The following TRPC6 variants were observed in gnomAD, a reference collection of about 807,000 sequenced individuals.
TRPC6 encodes the protein short transient receptor potential channel 6.
Under a neutral mutation model 90.7 loss-of-function variants are expected in TRPC6, and 55 were observed. The ratio of observed to expected loss-of-function variants is 0.61; its 90% CI spans 0.49 to 0.76. TRPC6 has a LOEUF of 0.76. TRPC6 is among the 30% of genes least tolerant of loss of function. The probability of loss-of-function intolerance (pLI) is 0.00; values close to 1 mark genes in which losing one functional copy is unlikely to be tolerated. For synonymous variants in TRPC6, 393 were observed against 393.0 expected, an observed-to-expected ratio of 1.00 and a Z score of 0.00; for missense variants, 989 against 1,122.7, an observed-to-expected ratio of 0.88 and a Z score of 1.70.
chr11:101,458,815 GCTAA>G (rs1858941153), intron 10 of TRPC6, among the ~76,000 whole-genome samples: 1 of 152,170 alleles, frequency 6.6e-6, no homozygotes, highest in South Asian at 2.1e-4. Context: ...TGTTTGTGCA[GCTAA>G]CTAAATACTT....
At chr11:101,484,595 A>ATGTGTGTGTGTG (rs61160203) in intron 4 of TRPC6, among the ~76,000 whole-genome samples, 158 of 140,870 alleles carry the variant, frequency 1.1e-3, no homozygotes, top group African/African-American at 2.2e-3. Context: ...CTCTCATGCT[A>ATGTGTGTGTGTG]TGTGTGTGTG....
chr11:101,522,622 A>T (rs535990326), intron 1 of TRPC6, among the ~76,000 whole-genome samples: 28 of 152,064 alleles, frequency 1.8e-4, no homozygotes, highest in Admixed American at 3.3e-4. Context: ...TATCACTAAC[A>T]TCTGTACATT....
chr11:101,473,469 A>C, intron 7 of TRPC6, 40 bp downstream of exon 7: 1 of 1,607,320 alleles, frequency 6.2e-7, no homozygotes, highest in Non-Finnish European at 8.5e-7. Flanking sequence ...TATTTATTTA[A>C]TTTGCAATAA....
chr11:101,540,689 A>T (rs1164929833), intron 1 of TRPC6, among the ~76,000 whole-genome samples: 4 of 152,340 alleles, frequency 2.6e-5, no homozygotes, highest in African/African-American at 9.6e-5. Flanking sequence ...GAGTCCAGTT[A>T]ATTCAGATAT....
intron 1 of TRPC6, among the ~76,000 whole-genome samples, chr11:101,554,908 G>C (rs1861527317): frequency 6.6e-6 from 1 of 152,012 alleles, no homozygotes; most frequent in Admixed American, 6.6e-5. Flanking sequence ...TTCCCTCTCT[G>C]TCCTCTCTAA....
chr11:101,489,253 CAA>C (rs1023314412), intron 3 of TRPC6, 152 bp from the exon 4 acceptor site: 56 of 730,324 alleles, frequency 7.7e-5, no homozygotes, highest in Middle Eastern at 7.5e-4. Flanking sequence ...AGGCAACAAA[CAA>C]ATGGCAAAAA....
At chr11:101,582,856 A>T (rs1862228525) in intron 1 of TRPC6, among the ~76,000 whole-genome samples, 2 of 152,104 alleles carry the variant, frequency 1.3e-5, no homozygotes, top group Admixed American at 1.3e-4. Flanking sequence ...CCAAGCGTGG[A>T]GACCGCCGGG....
At position 101,583,602 on chromosome 11, in the gene TRPC6, C is replaced by A. The variant is rs913767126; in HGVS notation, c.-99G>T. 7.5e-7 allele frequency: 1 copy of A among 1,337,204 alleles called. No homozygotes were observed. The highest frequency in any genetic ancestry group is 9.7e-7 in the Non-Finnish European group (1 of 1,026,748). The allele number at this position is 1,337,204 out of a possible 1,614,324, so 82.8% of individuals were successfully genotyped here. On this transcript the variant is annotated 5_prime_UTR_variant, in exon 1 of 13. Transcript: ENST00000344327. ...CGGAGGGTTCGCGTCAGCGGCCGAA[C>A]TGGACCTGGGCAGACCGGTGCCCAG...
intron 5 of TRPC6, among the ~76,000 whole-genome samples, chr11:101,481,096 A>G (rs1260842417): frequency 6.6e-6 from 1 of 152,210 alleles, no homozygotes; most frequent in African/African-American, 2.4e-5. Flanking sequence ...AAATATTCCT[A>G]TGGTAATTTG....
intron 10 of TRPC6, chr11:101,455,328 T>C (rs541682142): frequency 2.3e-4 from 106 of 463,310 alleles, no homozygotes; most frequent in Non-Finnish European, 3.1e-4. Context: ...AGGAGTCTCT[T>C]AGACTTTGTG....
intron 5 of TRPC6, 128 bp downstream of exon 5, chr11:101,482,821 A>G (rs1591075516): frequency 9.9e-7 from 1 of 1,009,108 alleles, no homozygotes. Context: ...ACACAAAGAA[A>G]ATTATGATGT....
chr11:101,577,657 C>T (rs190599130), intron 1 of TRPC6, among the ~76,000 whole-genome samples: 9 of 152,222 alleles, frequency 5.9e-5, no homozygotes, highest in Middle Eastern at 3.4e-3. Context: ...CAAGAACGCT[C>T]GCTGCCAGAT....
chr11:101,471,151 GAATAC>G, intron 9 of TRPC6, 27 bp downstream of exon 9: 1 of 1,609,030 alleles, frequency 6.2e-7, no homozygotes, highest in Non-Finnish European at 8.5e-7. Flanking sequence ...CAAAATTTAA[GAATAC>G]AATGATAACT....
rs1555015161 is a variant in TRPC6 at position 101,573,954 on chromosome 11, G to GTA, written c.170+9379_170+9380insTA. 3.4e-3 allele frequency among the ~76,000 whole-genome samples: 297 copies of GTA among 86,618 alleles called. 10 individuals are homozygous for GTA. The highest frequency in any genetic ancestry group is 0.011 in the Middle Eastern group (2 of 188). 56.8% of individuals were successfully genotyped at this position (86,618 alleles called of 152,430 possible). ...TGTGTGTGTGTGTGTGTGTGTGTGT[G>GTA]TGTATGTGTGTGTGTGTTGAGAAGG... On this transcript the variant is annotated intron_variant, in intron 1 of 12. Coordinates refer to ENST00000344327, the MANE Select transcript of TRPC6 (RefSeq NM_004621.6).
At chr11:101,503,127 A>G (rs1860170737) in intron 2 of TRPC6, among the ~76,000 whole-genome samples, 1 of 152,196 alleles carries the variant, frequency 6.6e-6, no homozygotes. Flanking sequence ...AACTACCTCA[A>G]ACAGGTAGAG....
rs1408202664 is a variant in TRPC6, at chr11:101,569,671, CTCAGACCACAGCGCAATCAAA to C, written c.170+13642_170+13662del. Reference sequence around the variant, plus strand: ...AATGGAAATCATAACAAACAAGTCTCTCAGACCACAGCGCAATCAAATTAGAACTCAGGATTAAGAAACTCA... The same window carrying C: ...AATGGAAATCATAACAAACAAGTCTCTTAGAACTCAGGATTAAGAAACTCA... On this transcript the variant is annotated intron_variant, in intron 1 of 12. Coordinates refer to ENST00000344327, the MANE Select transcript of TRPC6 (RefSeq NM_004621.6). 2.6e-5 allele frequency among the ~76,000 whole-genome samples: 4 copies of C among 152,290 alleles called. No individual in the cohort carries two copies. In the South Asian group the frequency reaches 8.3e-4, roughly 32 times the overall value.
At chr11:101,486,933 G>C (rs1859691473) in intron 4 of TRPC6, among the ~76,000 whole-genome samples, 1 of 152,064 alleles carries the variant, frequency 6.6e-6, no homozygotes, top group East Asian at 1.9e-4. Context: ...AATAGGTTTT[G>C]GATAGGAGAA....
At chr11:101,562,018 C>G (rs1015668152) in intron 1 of TRPC6, among the ~76,000 whole-genome samples, 5 of 151,906 alleles carry the variant, frequency 3.3e-5, no homozygotes, top group African/African-American at 1.2e-4. Flanking sequence ...TAAGATATAC[C>G]GTAGGATCAC....
chr11:101,549,619 T>C (rs1244988819), intron 1 of TRPC6, among the ~76,000 whole-genome samples: 2 of 151,142 alleles, frequency 1.3e-5, no homozygotes, highest in East Asian at 1.9e-4. Context: ...AGAGGAGTTA[T>C]GTTTAAAATT....
Sources: allele counts gnomAD v4.1 joint callset (sites outside exome capture counted in the v4.1 genomes callset), GRCh38; gene constraint gnomAD v4.1.1; transcripts MANE v1.5; gene names NCBI Gene and HGNC (gene_info 2026-07-23, HGNC 2026-07-21).